Variants in CSNK1G3 observed in about 807,000 individuals in gnomAD.
CSNK1G3 encodes the protein casein kinase 1 gamma 3.
A neutral mutation model predicts 64.3 loss-of-function variants in CSNK1G3; 23 were observed. The ratio of observed to expected loss-of-function variants is 0.36; its 90% confidence interval spans 0.26 to 0.51. The LOEUF (loss-of-function observed/expected upper bound fraction) is 0.51. Ranked by LOEUF, CSNK1G3 falls within the 20% of genes least tolerant of loss-of-function variation. The pLI, the probability that CSNK1G3 is intolerant of heterozygous loss-of-function variation, is 0.96. For synonymous variants in CSNK1G3, 158 were observed against 162.2 expected (o/e 0.97, Z 0.20); for missense variants, 357 against 510.5 (o/e 0.70, Z 2.90).
At chr5:123,524,880 G>A (rs750157207) in intron 1 of CSNK1G3, among the ~76,000 whole-genome samples, 4 of 152,240 alleles carry the variant, frequency 2.6e-5, no homozygotes, top group Middle Eastern at 3.4e-3. Context: ...TAATGGGTGG[G>A]GGGGAGCACT....
chr5:123,588,467 C>G (rs1791729582), exon 8 of CSNK1G3: 1 of 1,612,588 alleles, frequency 6.2e-7, no homozygotes, highest in Non-Finnish European at 8.5e-7. Flanking sequence ...ATTGGAGATA[C>G]AAAACGGGCT....
intron 12 of CSNK1G3, among the ~76,000 whole-genome samples, chr5:123,613,593 A>G (rs1748913041): frequency 6.6e-6 from 1 of 151,802 alleles, no homozygotes; most frequent in Admixed American, 6.6e-5. Context: ...TGAATTCTTA[A>G]ACTCCTGAGC....
At chr5:123,522,372 A>G (rs528773794) in intron 1 of CSNK1G3, among the ~76,000 whole-genome samples, 1 of 152,152 alleles carries the variant, frequency 6.6e-6, no homozygotes, top group South Asian at 2.1e-4. Context: ...GCGTGGTGGC[A>G]CACGCCTGTC....
chr5:123,569,250 A>G (rs1056373018), intron 4 of CSNK1G3, among the ~76,000 whole-genome samples: 1 of 152,170 alleles, frequency 6.6e-6, no homozygotes, highest in African/African-American at 2.4e-5. Flanking sequence ...TTCCTCCAAA[A>G]ATGTGCTGCT....
chr5:123,600,197 TA>T (rs1794201348), intron 10 of CSNK1G3, among the ~76,000 whole-genome samples: 2 of 152,176 alleles, frequency 1.3e-5, no homozygotes, highest in Non-Finnish European at 2.9e-5. Context: ...GCTGAATACA[TA>T]AATAAAATAT....
intron 12 of CSNK1G3, 91 bp downstream of exon 13, chr5:123,605,453 C>T: frequency 7.7e-7 from 1 of 1,302,438 alleles, no homozygotes. Flanking sequence ...AAACAAAACT[C>T]TCAACACAGT....
rs768241127 is a variant in CSNK1G3 at position 123,591,305 on chromosome 5, T to G, written c.991-14T>G. On this transcript the variant is annotated splice_polypyrimidine_tract_variant and intron_variant, in intron 9 of 12. Coordinates refer to ENST00000345990, the Ensembl canonical transcript of CSNK1G3. ...AAATGGAATGTATTGATACCAATTG[T>G]TATTGTATTGTAGCCTACTCCAGTG... is the stretch of plus-strand genomic sequence containing the variant. 6.6e-7 allele frequency: 1 copy of G among 1,524,868 alleles called. No homozygotes were observed. Among genetic ancestry groups the G allele is most frequent in the Non-Finnish European group, 8.9e-7 (1 of 1,120,390 alleles). The allele number at this position is 1,524,868 out of a possible 1,614,324, so 94.5% of individuals were successfully genotyped here. A position where few individuals can be genotyped will look rare whatever the true frequency, so the allele number is the denominator to read the frequency against.
rs563750499 is a variant in CSNK1G3 at position 123,603,266 on chromosome 5, T to C, written c.1087-1458T>C. Among the ~76,000 whole-genome samples, 38 of 152,238 alleles carry C rather than the reference T, an allele frequency of 2.5e-4. No homozygotes were observed. The East Asian group carries it at 2.9e-3, about 12-fold the overall frequency. ...TTATAAAAATGGAAGTGGTGAGTTATATATTTTTTTTTTCCAAAAAGTTTA... is the reference window on the plus strand; with the variant it reads ...TTATAAAAATGGAAGTGGTGAGTTACATATTTTTTTTTTCCAAAAAGTTTA... On this transcript the variant is annotated intron_variant, in intron 10 of 12. Transcript: ENST00000345990.
At chr5:123,546,575 A>AAGAAGG (rs1782558192) in intron 2 of CSNK1G3, among the ~76,000 whole-genome samples, 1 of 152,062 alleles carries the variant, frequency 6.6e-6, no homozygotes, top group Admixed American at 6.6e-5. Flanking sequence ...GCAAAAAACT[A>AAGAAGG]AGAAGGAGGG....
At chr5:123,599,607 T>TC (rs1284790549) in intron 10 of CSNK1G3, among the ~76,000 whole-genome samples, 14 of 152,192 alleles carry the variant, frequency 9.2e-5, no homozygotes, top group Non-Finnish European at 1.5e-4. Flanking sequence ...TACTGACCTT[T>TC]CTAAAACATT....
chr5:123,546,359 G>C (rs1782515889), intron 2 of CSNK1G3, among the ~76,000 whole-genome samples: 1 of 151,936 alleles, frequency 6.6e-6, no homozygotes, highest in African/African-American at 2.4e-5. Flanking sequence ...CTTAACAAGG[G>C]GCTCAGAGTA....
intron 1 of CSNK1G3, among the ~76,000 whole-genome samples, chr5:123,514,205 CA>C (rs1360518371): frequency 1.9e-4 from 29 of 152,148 alleles, no homozygotes; most frequent in Non-Finnish European, 4.1e-4. Flanking sequence ...TTATGAATGA[CA>C]TTTTTTTGGG....
intron 8 of CSNK1G3, 100 bp from the exon 9 acceptor site, chr5:123,590,310 T>C: frequency 4.1e-6 from 2 of 482,430 alleles, no homozygotes; most frequent in Non-Finnish European, 6.6e-6. Context: ...TTGTTACTTT[T>C]CAAGTGTTTT....
intron 1 of CSNK1G3, among the ~76,000 whole-genome samples, chr5:123,535,481 T>A (rs1468838747): frequency 6.6e-6 from 1 of 152,082 alleles, no homozygotes; most frequent in Non-Finnish European, 1.5e-5. Context: ...GGTGCTATGG[T>A]AGGGAAAATA....
At chr5:123,610,406 A>G (rs1796116087) in intron 12 of CSNK1G3, among the ~76,000 whole-genome samples, 1 of 152,158 alleles carries the variant, frequency 6.6e-6, no homozygotes, top group Non-Finnish European at 1.5e-5. Flanking sequence ...ACAGTCTCTC[A>G]ACCAAAGGAT....
At chr5:123,613,435 G>A (rs755389493) in intron 12 of CSNK1G3, among the ~76,000 whole-genome samples, 11 of 144,194 alleles carry the variant, frequency 7.6e-5, no homozygotes, top group African/African-American at 2.4e-4. Flanking sequence ...GTGTGTGTGC[G>A]TATGTATGTA....
chr5:123,526,660 A>G (rs909888603), intron 1 of CSNK1G3, among the ~76,000 whole-genome samples: 1 of 151,934 alleles, frequency 6.6e-6, no homozygotes, highest in Admixed American at 6.6e-5. Flanking sequence ...AAATTGAAAC[A>G]TGTGTTATAT....
At chr5:123,552,993 A>C in intron 2 of CSNK1G3, 114 bp from the exon 3 acceptor site, 1 of 545,406 alleles carries the variant, frequency 1.8e-6, no homozygotes, top group Non-Finnish European at 3.2e-6. Context: ...AAATAGAAGC[A>C]AAAACCTATG....
At chr5:123,588,481 C>G in exon 8 of CSNK1G3, 1 of 1,611,472 alleles carries the variant, frequency 6.2e-7, no homozygotes, top group Non-Finnish European at 8.5e-7. Context: ...ACGGGCTACA[C>G]CAATAGAAGT....
Sources: allele counts gnomAD v4.1 joint callset (sites outside exome capture counted in the v4.1 genomes callset), GRCh38; gene constraint gnomAD v4.1.1; transcripts MANE v1.5; gene names NCBI Gene and HGNC (gene_info 2026-07-23, HGNC 2026-07-21).